The following IL15 variants were observed in gnomAD, a reference collection of about 807,000 sequenced individuals.
IL15 encodes the protein interleukin 15.
Under a neutral mutation model 19.6 loss-of-function variants are expected in IL15, and 11 were observed. The observed-to-expected ratio is 0.56, with a 90% confidence interval of 0.35 to 0.93. The LOEUF is 0.93. Ranked by LOEUF, IL15 falls within the 40% of genes least tolerant of loss-of-function variation. The pLI is 0.01. For synonymous variants in IL15, 58 were observed against 59.6 expected, an observed-to-expected ratio of 0.97 and a Z score of 0.12; for missense variants, 197 against 186.5, an observed-to-expected ratio of 1.06 and a Z score of -0.33.
intron 6 of IL15, 42 bp downstream of exon 6, chr4:141,728,026 TAA>T (rs1328588423): frequency 1.1e-6 from 1 of 922,300 alleles, no homozygotes; most frequent in East Asian, 2.5e-5. Context: ...GTCTTGTTAT[TAA>T]AGTTTTTAAA....
chr4:141,732,794 A>C lies in IL15; in HGVS notation c.435A>C (p.Lys145Asn), dbSNP rs1367561905. Residue 145 changes from lysine to asparagine, a missense_variant, in exon 8 of 8, where the codon AAA becomes AAC. Physicochemically the swap from Lys to Asn is moderately conservative, Grantham distance 94. Coordinates refer to ENST00000320650, the MANE Select transcript of IL15 (RefSeq NM_000585.5). ...ECEELEEKNI[K>N]EFLQSFVHIV... Reference sequence around the variant, plus strand: ...AGGAACTGGAGGAAAAAAATATTAAAGAATTTTTGCAGAGTTTTGTACATA... The same window carrying C: ...AGGAACTGGAGGAAAAAAATATTAACGAATTTTTGCAGAGTTTTGTACATA... 2 of 1,612,912 alleles carry C rather than the reference A, an allele frequency of 1.2e-6. No individual in the cohort carries two copies. Among genetic ancestry groups the C allele is most frequent in the Non-Finnish European group, 1.7e-6 (2 of 1,179,664 alleles).
intron 2 of IL15, chr4:141,704,727 T>C: frequency 5.7e-6 from 1 of 174,392 alleles, no homozygotes; most frequent in Non-Finnish European, 1.2e-5. Context: ...TAATAATTTA[T>C]ATTAATTGTT....
intron 2 of IL15, among the ~76,000 whole-genome samples, chr4:141,663,137 T>C (rs898656400): frequency 1.3e-5 from 2 of 152,200 alleles, no homozygotes; most frequent in African/African-American, 4.8e-5. Flanking sequence ...TATTAATTGG[T>C]CTAAAAATCA....
intron 2 of IL15, among the ~76,000 whole-genome samples, chr4:141,664,342 AACACACAC>A (rs35153516): frequency 0.01 from 1,330 of 130,996 alleles, 8 homozygotes; most frequent in African/African-American, 0.015. Flanking sequence ...TGGTGGGCAA[AACACACAC>A]ACACACACAC....
At chr4:141,677,916 T>C (rs1017736434) in intron 2 of IL15, among the ~76,000 whole-genome samples, 5 of 152,206 alleles carry the variant, frequency 3.3e-5, no homozygotes, top group African/African-American at 4.8e-5. Context: ...ATAATTCTGC[T>C]TACCATATCA....
chr4:141,681,870 A>G (rs1470161655), intron 2 of IL15, among the ~76,000 whole-genome samples: 2 of 152,214 alleles, frequency 1.3e-5, no homozygotes. Context: ...TTGGTTGTAT[A>G]TAACTCACAG....
intron 1 of IL15, among the ~76,000 whole-genome samples, chr4:141,647,449 G>A (rs1353453693): frequency 1.3e-5 from 2 of 152,046 alleles, no homozygotes; most frequent in African/African-American, 4.8e-5. Context: ...TGTGAATTAA[G>A]TAAAGAATTA....
rs1730098067 is a variant in IL15, at chr4:141,721,956, C to G, written c.143C>G (p.Ala48Gly). The change falls in exon 5 of 8, where the codon GCC becomes GGC. Residue 48 changes from alanine (A) to glycine (G), a missense_variant. Ala to Gly is a moderately conservative substitution (Grantham distance 60). Coordinates refer to ENST00000320650, the MANE Select transcript of IL15 (RefSeq NM_000585.5). Reference protein sequence around the residue: ...CFSAGLPKTEANWVNVISDLK... With the variant: ...CFSAGLPKTEGNWVNVISDLK... ...AGTGCAGGGCTTCCTAAAACAGAAG[C>G]CAACTGGGTGAATGTAATAAGTGAT... 2 of 1,594,486 alleles carry G rather than the reference C, an allele frequency of 1.3e-6. No homozygotes were observed. Among genetic ancestry groups the G allele is most frequent in the South Asian group, 1.1e-5 (1 of 88,928 alleles).
intron 2 of IL15, among the ~76,000 whole-genome samples, chr4:141,665,514 T>C (rs1170738807): frequency 6.6e-6 from 1 of 152,174 alleles, no homozygotes; most frequent in Non-Finnish European, 1.5e-5. Context: ...CGGATCATAG[T>C]GTCAAGTTCG....
intron 2 of IL15, among the ~76,000 whole-genome samples, chr4:141,697,377 T>A (rs550884966): frequency 3.3e-5 from 5 of 152,280 alleles, no homozygotes; most frequent in African/African-American, 1.2e-4. Flanking sequence ...ACATGCCTAT[T>A]TTCATTCCAG....
At chr4:141,731,397 A>C (rs1371067983) in intron 7 of IL15, among the ~76,000 whole-genome samples, 2 of 152,206 alleles carry the variant, frequency 1.3e-5, no homozygotes, top group East Asian at 1.9e-4. Context: ...ACAGTGTCTC[A>C]TATATATTAA....
intron 2 of IL15, among the ~76,000 whole-genome samples, chr4:141,690,425 A>G (rs1728872251): frequency 6.6e-6 from 1 of 152,150 alleles, no homozygotes; most frequent in Admixed American, 6.5e-5. Context: ...ACCTCTCACC[A>G]CTACCCTGAC....
At chr4:141,666,257 G>C (rs112007495) in intron 2 of IL15, among the ~76,000 whole-genome samples, 3,594 of 152,136 alleles carry the variant, frequency 0.024, 142 homozygotes, top group African/African-American at 0.081. Context: ...CCCACCACTA[G>C]GTCCCCGGGC....
intron 2 of IL15, among the ~76,000 whole-genome samples, chr4:141,667,731 G>GT (rs1487381940): frequency 2.0e-5 from 3 of 151,970 alleles, no homozygotes; most frequent in South Asian, 2.1e-4. Flanking sequence ...ACATCTTTTG[G>GT]TTTTTTATTT....
chr4:141,704,370 C>T (rs1273947273), intron 2 of IL15, among the ~76,000 whole-genome samples: 1 of 152,036 alleles, frequency 6.6e-6, no homozygotes, highest in Non-Finnish European at 1.5e-5. Flanking sequence ...CCATGCTTAC[C>T]ATGCTTGCAT....
intron 2 of IL15, among the ~76,000 whole-genome samples, chr4:141,664,392 A>ACACACAC (rs1553987469): frequency 4.4e-4 from 50 of 112,848 alleles, no homozygotes; most frequent in Admixed American, 4.2e-3. Flanking sequence ...CACACACACA[A>ACACACAC]AACCAACAAC....
chr4:141,649,513 TTAA>T (rs1727335955), intron 1 of IL15, among the ~76,000 whole-genome samples: 1 of 152,014 alleles, frequency 6.6e-6, no homozygotes, highest in African/African-American at 2.4e-5. Context: ...GCTGGTGCAA[TTAA>T]TAAGAATTAT....
At chr4:141,719,560 T>C (rs952798010) in intron 3 of IL15, 84 bp downstream of exon 3, 2 of 1,095,280 alleles carry the variant, frequency 1.8e-6, no homozygotes, top group African/African-American at 1.6e-5. Context: ...ATAAGTTACA[T>C]GGTTATTCTC....
chr4:141,672,147 G>C (rs1341177721), intron 2 of IL15, among the ~76,000 whole-genome samples: 1 of 152,148 alleles, frequency 6.6e-6, no homozygotes, highest in African/African-American at 2.4e-5. Context: ...AAATATTGCA[G>C]CAACTTCTAA....
Sources: gnomAD v4.1 joint callset for allele counts (sites outside exome capture counted in the v4.1 genomes callset) on GRCh38, gnomAD v4.1.1 for gene constraint, MANE v1.5 for transcripts, NCBI Gene and HGNC (gene_info 2026-07-23, HGNC 2026-07-21) for gene names.